Variants in SYNPR observed in about 807,000 individuals in gnomAD.
The protein encoded by SYNPR is synaptoporin.
A neutral mutation model predicts 32.9 loss-of-function variants in SYNPR; 23 were observed. That is an observed-to-expected ratio of 0.70 (90% CI 0.50 to 0.99). The LOEUF is 0.99. Ranked by LOEUF, SYNPR falls within the 50% of genes least tolerant of loss-of-function variation. The pLI, the probability that SYNPR is intolerant of heterozygous loss-of-function variation, is 0.00. For missense variants in SYNPR, 318 were observed against 349.3 expected (o/e 0.91, Z 0.71); for synonymous variants, 146 against 135.9 (o/e 1.07, Z -0.52).
At chr3:63,292,949 C>G (rs1023076033) in intron 2 of SYNPR, among the ~76,000 whole-genome samples, 2 of 152,134 alleles carry the variant, frequency 1.3e-5, no homozygotes, top group South Asian at 2.1e-4. Flanking sequence ...GATCAGCATC[C>G]CAGACACACC....
At chr3:63,596,549 CCTT>C (rs1699962671) in intron 4 of SYNPR, among the ~76,000 whole-genome samples, 1 of 152,050 alleles carries the variant, frequency 6.6e-6, no homozygotes, top group South Asian at 2.1e-4. Flanking sequence ...CCGCCCACCT[CCTT>C]CTTTGGGCTG....
intron 4 of SYNPR, among the ~76,000 whole-genome samples, chr3:63,582,760 T>C (rs1426944085): frequency 6.6e-6 from 1 of 152,092 alleles, no homozygotes; most frequent in East Asian, 1.9e-4. Context: ...GGAATCGGAC[T>C]GCATTTGTGC....
chr3:63,226,469 C>T (rs1442859890), upstream of SYNPR, among the ~76,000 whole-genome samples: 1 of 151,858 alleles, frequency 6.6e-6, no homozygotes, highest in Non-Finnish European at 1.5e-5. Flanking sequence ...CATCAACAGA[C>T]CAATGAATAA....
chr3:63,452,167 C>T, intron 2 of SYNPR: 1 of 699,586 alleles, frequency 1.4e-6, no homozygotes, highest in South Asian at 1.5e-5. Flanking sequence ...TATGTTCATT[C>T]ATTTGTGCAT....
intron 2 of SYNPR, among the ~76,000 whole-genome samples, chr3:63,383,703 A>G (rs1193046799): frequency 6.6e-6 from 1 of 152,212 alleles, no homozygotes; most frequent in African/African-American, 2.4e-5. Context: ...CTCCTATTGT[A>G]TGAAGCTAAG....
chr3:63,396,932 G>A (rs964436079), intron 2 of SYNPR, among the ~76,000 whole-genome samples: 4 of 151,916 alleles, frequency 2.6e-5, no homozygotes, highest in Admixed American at 6.6e-5. Context: ...GTGAAACCCC[G>A]TCTCTACTAA....
intron 3 of SYNPR, among the ~76,000 whole-genome samples, chr3:63,555,192 C>T (rs1280712771): frequency 6.6e-6 from 1 of 151,424 alleles, no homozygotes; most frequent in Non-Finnish European, 1.5e-5. Context: ...TATTTGGATG[C>T]CTTTTATTTT....
intron 3 of SYNPR, among the ~76,000 whole-genome samples, chr3:63,555,376 G>A (rs1310569636): frequency 6.6e-6 from 1 of 151,734 alleles, no homozygotes; most frequent in Non-Finnish European, 1.5e-5. Flanking sequence ...GCACTTTATG[G>A]TCATAAATAA....
At chr3:63,481,168 C>T (rs909917059) in intron 3 of SYNPR, among the ~76,000 whole-genome samples, 1 of 142,384 alleles carries the variant, frequency 7.0e-6, no homozygotes, top group African/African-American at 2.6e-5. Context: ...ACAGAACTGA[C>T]TCTCCTCAAA....
At position 63,278,314 on chromosome 3, in the gene SYNPR, C is replaced by A. The variant is rs911435693; in HGVS notation, c.-220C>A. 1.0e-5 allele frequency: 6 copies of A among 593,962 alleles called. No homozygotes were observed. The highest frequency in any genetic ancestry group is 5.7e-5 in the East Asian group (2 of 34,786). 36.8% of individuals were successfully genotyped at this position (593,962 alleles called of 1,614,324 possible). ...CCCCAGCTCTTCCCTGCCCACCCCT[C>A]GCTGACTCGCTTCGCTTCCCCGACG... On this transcript the variant is annotated 5_prime_UTR_variant, in exon 1 of 6. Transcript: ENST00000478300.
At chr3:63,526,767 C>G (rs115821333) in intron 3 of SYNPR, among the ~76,000 whole-genome samples, 1 of 152,098 alleles carries the variant, frequency 6.6e-6, no homozygotes, top group African/African-American at 2.4e-5. Context: ...GGAAGCAGGT[C>G]TGGAAACAAA....
intron 3 of SYNPR, among the ~76,000 whole-genome samples, chr3:63,553,571 C>A (rs1421419408): frequency 6.6e-6 from 1 of 152,176 alleles, no homozygotes; most frequent in Non-Finnish European, 1.5e-5. Flanking sequence ...GCAGTCTTGT[C>A]AGCATCTGTT....
At chr3:63,585,057 C>A (rs1703159365) in intron 4 of SYNPR, among the ~76,000 whole-genome samples, 1 of 152,016 alleles carries the variant, frequency 6.6e-6, no homozygotes, top group Non-Finnish European at 1.5e-5. Flanking sequence ...TTCAGGCCTG[C>A]CATTATCTCC....
chr3:63,429,012 AATATGCTACACAC>A (rs1177755225), intron 2 of SYNPR, among the ~76,000 whole-genome samples: 1 of 152,212 alleles, frequency 6.6e-6, no homozygotes, highest in Non-Finnish European at 1.5e-5. Flanking sequence ...TTGTTCAATC[AATATGCTACACAC>A]ATGAACGAGA....
chr3:63,389,078 T>A (rs570650304), intron 2 of SYNPR, among the ~76,000 whole-genome samples: 1 of 152,134 alleles, frequency 6.6e-6, no homozygotes, highest in Non-Finnish European at 1.5e-5. Context: ...CCGTTTGGAG[T>A]TGCAGTCAGA....
intron 4 of SYNPR, among the ~76,000 whole-genome samples, chr3:63,570,103 A>G (rs1213857543): frequency 6.6e-6 from 1 of 152,166 alleles, no homozygotes; most frequent in African/African-American, 2.4e-5. Context: ...ACTAAGACCA[A>G]ACTACATGGG....
At chr3:63,462,450 G>C (rs998529863) in intron 2 of SYNPR, among the ~76,000 whole-genome samples, 4 of 152,024 alleles carry the variant, frequency 2.6e-5, no homozygotes, top group Non-Finnish European at 4.4e-5. Flanking sequence ...TAAGAAAAAT[G>C]TCTGCATACC....
At chr3:63,556,017 C>G (rs918029764) in intron 3 of SYNPR, among the ~76,000 whole-genome samples, 1 of 152,150 alleles carries the variant, frequency 6.6e-6, no homozygotes, top group Non-Finnish European at 1.5e-5. Context: ...AGGAGGCAGC[C>G]ATGGGAAATG....
chr3:63,263,328 C>T (rs907299914), intron 2 of SYNPR, among the ~76,000 whole-genome samples: 1 of 152,196 alleles, frequency 6.6e-6, no homozygotes, highest in African/African-American at 2.4e-5. Context: ...CCTTCACATT[C>T]CCCAAAGTGT....
Sources: allele counts gnomAD v4.1 joint callset (sites outside exome capture counted in the v4.1 genomes callset), GRCh38; gene constraint gnomAD v4.1.1; transcripts MANE v1.5; gene names NCBI Gene and HGNC (gene_info 2026-07-23, HGNC 2026-07-21).